AFAP1: variants seen among roughly 807,000 people sequenced by gnomAD.
The protein encoded by AFAP1 is actin filament-associated protein 1.
In AFAP1, 75 loss-of-function variants were observed where a neutral mutation model predicts 93.9. That is an observed-to-expected ratio of 0.80 (90% CI 0.66 to 0.97). The LOEUF is 0.97. Ranked by LOEUF, AFAP1 falls within the 50% of genes least tolerant of loss-of-function variation. The pLI is 0.00. For missense variants in AFAP1, 1,201 were observed against 1,050.8 expected (o/e 1.14, Z -1.98); for synonymous variants, 517 against 430.7 (o/e 1.20, Z -2.48).
chr4:7,812,203 C>T (rs1350834833), intron 8 of AFAP1, among the ~76,000 whole-genome samples: 2 of 152,134 alleles, frequency 1.3e-5, no homozygotes, highest in Non-Finnish European at 2.9e-5. Flanking sequence ...GTGAGCTTTA[C>T]AAAGAATAAC....
intron 4 of AFAP1, among the ~76,000 whole-genome samples, chr4:7,851,384 C>T (rs1714420819): frequency 6.6e-6 from 1 of 152,218 alleles, no homozygotes; most frequent in African/African-American, 2.4e-5. Context: ...GCTGCCTCTT[C>T]CCTCAACAAC....
chr4:7,859,396 G>A (rs1333139745), intron 3 of AFAP1, among the ~76,000 whole-genome samples: 2 of 151,970 alleles, frequency 1.3e-5, no homozygotes, highest in Admixed American at 6.6e-5. Context: ...TCCAGCCTGG[G>A]CAACAGAGCA....
At chr4:7,778,596 T>C (rs1716398830) in intron 14 of AFAP1, 166 bp downstream of exon 14, 2 of 692,314 alleles carry the variant, frequency 2.9e-6, no homozygotes, top group South Asian at 3.4e-5. Flanking sequence ...TGGGTTGAAA[T>C]CGCCACTGTC....
At chr4:7,928,353 G>A (rs1720883626) in intron 1 of AFAP1, among the ~76,000 whole-genome samples, 1 of 151,996 alleles carries the variant, frequency 6.6e-6, no homozygotes, top group Non-Finnish European at 1.5e-5. Context: ...TCTACCACAC[G>A]TACCCAGGCT....
At chr4:7,803,859 T>C (rs904892244) in intron 9 of AFAP1, among the ~76,000 whole-genome samples, 12 of 151,754 alleles carry the variant, frequency 7.9e-5, no homozygotes, top group Admixed American at 2.6e-4. Flanking sequence ...CCCCCAATTT[T>C]CCCCCCAAAA....
rs982569763 is a variant in AFAP1 at position 7,939,746 on chromosome 4, T to C, written c.-93A>G. ...AACAGCCGACAGAGCCGCAGCCGCC[T>C]TAACAATGGAGCCCCGGGGCGGGGC... is the stretch of plus-strand genomic sequence containing the variant. On this transcript the variant is annotated 5_prime_UTR_variant, in exon 1 of 18. Transcript: ENST00000420658. The surrounding 1 kb of genome is among the most constrained non-coding windows in gnomAD (Gnocchi z 5.6). 12 of 408,382 alleles carry C rather than the reference T, an allele frequency of 2.9e-5. No individual in the cohort carries two copies. Among genetic ancestry groups the C allele is most frequent in the South Asian group, 1.5e-4 (9 of 59,900 alleles). The allele number at this position is 408,382 out of a possible 1,614,324, so 25.3% of individuals were successfully genotyped here.
At chr4:7,808,684 G>T (rs1387339786) in intron 9 of AFAP1, among the ~76,000 whole-genome samples, 1 of 152,172 alleles carries the variant, frequency 6.6e-6, no homozygotes, top group East Asian at 1.9e-4. Flanking sequence ...CCCCAGTGTG[G>T]GGGGCTGGCC....
intron 9 of AFAP1, among the ~76,000 whole-genome samples, chr4:7,803,089 A>G (rs372325116): frequency 6.6e-6 from 1 of 152,270 alleles, no homozygotes; most frequent in Middle Eastern, 3.4e-3. Context: ...ACACTTTTAC[A>G]TTTTTAGACT....
At position 7,767,126 on chromosome 4, in the gene AFAP1, C is replaced by T. The variant is rs181275870; in HGVS notation, c.2418+1718G>A. Among the ~76,000 whole-genome samples, 66 of 152,322 alleles carry T rather than the reference C, an allele frequency of 4.3e-4. 1 individual carries two copies. Among genetic ancestry groups the T allele is most frequent in the Admixed American group, 9.8e-4 (15 of 15,304 alleles). On this transcript the variant is annotated intron_variant, in intron 17 of 17. Coordinates refer to ENST00000420658, the MANE Select transcript of AFAP1 (RefSeq NM_001134647.2). ...AAATCCTGGGGAACCCTGCTCAGTC[C>T]GTCCCCTTCTGATTTCTGCACAAGA... is the stretch of plus-strand genomic sequence containing the variant.
At chr4:7,807,698 C>T (rs750622949) in intron 9 of AFAP1, among the ~76,000 whole-genome samples, 18 of 152,366 alleles carry the variant, frequency 1.2e-4, no homozygotes, top group Non-Finnish European at 2.2e-4. Context: ...CACATGACGC[C>T]TTCACTGCTG....
Position 7,824,104 on chromosome 4 carries a change from G to C in AFAP1, c.727-4933C>G, listed in dbSNP as rs78224226. Among the ~76,000 whole-genome samples the C allele has an allele frequency of 6.4e-3, 968 of 152,274 alleles. 4 individuals carry two copies. The highest frequency in any genetic ancestry group is 9.5e-3 in the Non-Finnish European group (643 of 68,016). On this transcript the variant is annotated intron_variant, in intron 6 of 17. Coordinates refer to ENST00000420658, the MANE Select transcript of AFAP1 (RefSeq NM_001134647.2). ...TGCAGAGTTTAGTCAGAAGTAATAAGTAAAGCACTGATCACTCCAATTCTT... is the reference window on the plus strand; with the variant it reads ...TGCAGAGTTTAGTCAGAAGTAATAACTAAAGCACTGATCACTCCAATTCTT...
intron 10 of AFAP1, among the ~76,000 whole-genome samples, chr4:7,795,538 C>A (rs1718332076): frequency 6.7e-6 from 1 of 149,278 alleles, no homozygotes; most frequent in African/African-American, 2.5e-5. Context: ...CAGTCTCCTG[C>A]CTCAGCCTCC....
intron 4 of AFAP1, among the ~76,000 whole-genome samples, chr4:7,844,533 C>A (rs998401712): frequency 6.6e-6 from 1 of 152,174 alleles, no homozygotes; most frequent in African/African-American, 2.4e-5. Flanking sequence ...CAGAGCGGAT[C>A]GCAGCACACC....
intron 5 of AFAP1, among the ~76,000 whole-genome samples, chr4:7,841,614 G>A (rs1377575210): frequency 6.6e-6 from 1 of 152,174 alleles, no homozygotes; most frequent in African/African-American, 2.4e-5. Flanking sequence ...GAAAGTATTT[G>A]CTTTGATCAC....
chr4:7,846,605 T>C (rs896312420), intron 4 of AFAP1, among the ~76,000 whole-genome samples: 5 of 152,224 alleles, frequency 3.3e-5, no homozygotes, highest in Non-Finnish European at 7.3e-5. Context: ...AGTCAGTTAG[T>C]TATAAATGGG....
intron 6 of AFAP1, among the ~76,000 whole-genome samples, chr4:7,820,468 T>C (rs748171520): frequency 3.3e-5 from 5 of 152,212 alleles, no homozygotes; most frequent in African/African-American, 4.8e-5. Context: ...CTGGAGCCCG[T>C]TGGCGTCAAG....
intron 1 of AFAP1, among the ~76,000 whole-genome samples, chr4:7,880,526 C>G (rs778398381): frequency 6.6e-6 from 1 of 152,210 alleles, no homozygotes; most frequent in Non-Finnish European, 1.5e-5. Flanking sequence ...GATCCACCCA[C>G]CTAGGCCTCC....
chr4:7,848,120 GAAGGAAGGGAGT>G (rs137993279), intron 4 of AFAP1, among the ~76,000 whole-genome samples: 10,960 of 138,534 alleles, frequency 0.079, 886 homozygotes, highest in East Asian at 0.45. Context: ...AGGAAGGAAG[GAAGGAAGGGAGT>G]GAGTGAGGGA....
intron 12 of AFAP1, among the ~76,000 whole-genome samples, chr4:7,783,516 G>T (rs1577201875): frequency 6.6e-6 from 1 of 152,276 alleles, no homozygotes; most frequent in South Asian, 2.1e-4. Flanking sequence ...CGAACACACA[G>T]AAAATAGTTT....
Sources: gnomAD v4.1 joint callset for allele counts (sites outside exome capture counted in the v4.1 genomes callset) on GRCh38, gnomAD v4.1.1 for gene constraint, Gnocchi (gnomAD v3.1) non-coding constraint, MANE v1.5 for transcripts, NCBI Gene and HGNC (gene_info 2026-07-23, HGNC 2026-07-21) for gene names.